The following AGBL4 variants were observed in gnomAD, a reference collection of about 807,000 sequenced individuals.
AGBL4 encodes the protein cytosolic carboxypeptidase 6.
Under a neutral mutation model 66.4 loss-of-function variants are expected in AGBL4, and 58 were observed. That is an observed-to-expected ratio of 0.87 (90% CI 0.71 to 1.09). AGBL4 has a LOEUF of 1.09. Among genes scored for constraint, AGBL4 ranks in the 50% least tolerant of loss-of-function variants. AGBL4 has a pLI of 0.00. For synonymous variants in AGBL4, 234 were observed against 222.9 expected, an observed-to-expected ratio of 1.05 and a Z score of -0.44; for missense variants, 579 against 631.0, an observed-to-expected ratio of 0.92 and a Z score of 0.88.
intron 9 of AGBL4, among the ~76,000 whole-genome samples, chr1:48,625,144 T>TTC (rs1557836691): frequency 1.3e-4 from 17 of 135,192 alleles, no homozygotes; most frequent in Admixed American, 3.0e-4. Context: ...TTCCTTCCTT[T>TTC]CTCTTTCTCT....
At chr1:49,133,816 C>T (rs1021859735) in intron 4 of AGBL4, among the ~76,000 whole-genome samples, 1 of 151,952 alleles carries the variant, frequency 6.6e-6, no homozygotes, top group Non-Finnish European at 1.5e-5. Context: ...AAGAGCAATA[C>T]TTAGAAACAA....
chr1:49,759,967 G>T (rs956723819), intron 2 of AGBL4, among the ~76,000 whole-genome samples: 2 of 152,176 alleles, frequency 1.3e-5, no homozygotes, highest in Non-Finnish European at 2.9e-5. Flanking sequence ...ATAAGACATG[G>T]AAAGTGACTT....
chr1:49,239,943 A>T (rs1236416219), intron 4 of AGBL4, among the ~76,000 whole-genome samples: 1 of 152,052 alleles, frequency 6.6e-6, no homozygotes, highest in Non-Finnish European at 1.5e-5. Flanking sequence ...ATGTAATTTA[A>T]TTTTAAATGT....
At position 49,401,268 on chromosome 1, in the gene AGBL4, G is replaced by T. The variant is rs535408200; in HGVS notation, c.283-155404C>A. On this transcript the variant is annotated intron_variant, in intron 3 of 13. Transcript: ENST00000371839. ...CTTATAAAACTATCAGATCTTGTGA[G>T]AACTCACTCAGTATCATGAGAACAG... Among the ~76,000 whole-genome samples the T allele has an allele frequency of 2.0e-5, 3 of 152,264 alleles. No individual in the cohort carries two copies. In the East Asian group the frequency reaches 5.8e-4, roughly 29 times the overall value.
At chr1:49,535,690 G>T (rs1028498851) in intron 3 of AGBL4, among the ~76,000 whole-genome samples, 16 of 151,678 alleles carry the variant, frequency 1.1e-4, no homozygotes, top group South Asian at 8.4e-4. Flanking sequence ...TTTTCGTTTG[G>T]TTTTTTTTGT....
chr1:48,551,876 A>G (rs1644253605), intron 11 of AGBL4, among the ~76,000 whole-genome samples: 1 of 152,012 alleles, frequency 6.6e-6, no homozygotes, highest in Non-Finnish European at 1.5e-5. Flanking sequence ...AGTGCTGCCC[A>G]TCACCCTAAT....
intron 2 of AGBL4, among the ~76,000 whole-genome samples, chr1:49,794,160 GA>G (rs1161401428): frequency 6.6e-6 from 1 of 151,830 alleles, no homozygotes; most frequent in African/African-American, 2.4e-5. Flanking sequence ...TGCTCCTTCA[GA>G]ACACAGGCAC....
chr1:49,479,252 C>G (rs928950101), intron 3 of AGBL4, among the ~76,000 whole-genome samples: 2 of 151,784 alleles, frequency 1.3e-5, no homozygotes, highest in East Asian at 3.9e-4. Flanking sequence ...GAAAGTTATC[C>G]CATTTACAAT....
chr1:48,622,990 G>C (rs1353131558), intron 9 of AGBL4, among the ~76,000 whole-genome samples: 3 of 152,114 alleles, frequency 2.0e-5, no homozygotes, highest in Admixed American at 2.0e-4. Flanking sequence ...ATTTAAACGC[G>C]GGCCTGAGCC....
chr1:48,539,645 A>G lies in AGBL4; in HGVS notation c.1361T>C (p.Leu454Pro). ...VEKVAIPMPR[L>P]RNKEIEVQRR... ...ACCTCTCTGCTCTGCCACTTACCGC[A>G]GTCTCGGCATGGGAATTGCCACCTT... is the stretch of plus-strand genomic sequence containing the variant. Residue 454 changes from leucine (L) to proline (P), a missense_variant, in exon 12 of 14, where the codon CTG (leucine) becomes CCG (proline). Transcript: ENST00000371839. 1 of 1,537,200 alleles carries G rather than the reference A, an allele frequency of 6.5e-7. No homozygotes were observed. Among genetic ancestry groups the G allele is most frequent in the African/African-American group, 1.4e-5 (1 of 72,372 alleles).
chr1:48,780,112 T>C (rs1237364477), intron 6 of AGBL4, among the ~76,000 whole-genome samples: 2 of 151,986 alleles, frequency 1.3e-5, no homozygotes, highest in Admixed American at 6.6e-5. Context: ...CATGCCATGA[T>C]GGTTTGCTGC....
chr1:48,837,420 C>T (rs893970000), intron 6 of AGBL4, among the ~76,000 whole-genome samples: 6 of 151,810 alleles, frequency 4.0e-5, no homozygotes, highest in Non-Finnish European at 5.9e-5. Context: ...CAGACCCATC[C>T]TTAATCTGGA....
intron 1 of AGBL4, among the ~76,000 whole-genome samples, chr1:49,886,864 C>G (rs897499517): frequency 6.6e-6 from 1 of 152,024 alleles, no homozygotes; most frequent in African/African-American, 2.4e-5. Flanking sequence ...AAAACAGAAC[C>G]CTTAAAAACA....
chr1:49,013,221 A>G (rs1662581270), intron 5 of AGBL4, among the ~76,000 whole-genome samples: 1 of 152,260 alleles, frequency 6.6e-6, no homozygotes, highest in African/African-American at 2.4e-5. Context: ...GTGTTTGTAG[A>G]TGACATATTT....
At chr1:48,629,425 T>C (rs1234946243) in intron 9 of AGBL4, among the ~76,000 whole-genome samples, 1 of 152,100 alleles carries the variant, frequency 6.6e-6, no homozygotes, top group Non-Finnish European at 1.5e-5. Flanking sequence ...AAAATCAGAA[T>C]TGGAAAGAGA....
chr1:49,917,914 C>G lies in AGBL4; in HGVS notation c.35-66396G>C, dbSNP rs573533458. The stretch of plus-strand genomic sequence containing the variant: ...AGACCACAGTGCAATCAAACTAGAA[C>G]TCAGGATTAAGAAACTCACTCAAAA... On this transcript the variant is annotated intron_variant, in intron 1 of 13. Transcript: ENST00000371839. Among the ~76,000 whole-genome samples the G allele has an allele frequency of 3.9e-5, 6 of 152,286 alleles. No individual in the cohort carries two copies. The South Asian group carries it at 1.2e-3, about 32-fold the overall frequency.
At chr1:49,080,167 C>G (rs1156949864) in intron 4 of AGBL4, among the ~76,000 whole-genome samples, 1 of 152,000 alleles carries the variant, frequency 6.6e-6, no homozygotes, top group Non-Finnish European at 1.5e-5. Flanking sequence ...AAAAACACAA[C>G]AAAACAAACA....
chr1:49,524,424 A>G (rs1278489857), intron 3 of AGBL4, among the ~76,000 whole-genome samples: 2 of 152,122 alleles, frequency 1.3e-5, no homozygotes, highest in South Asian at 2.1e-4. Flanking sequence ...TTACTCTGCA[A>G]TGTCCAGCAG....
At chr1:48,672,558 C>T (rs1180074717) in intron 6 of AGBL4, among the ~76,000 whole-genome samples, 1 of 152,200 alleles carries the variant, frequency 6.6e-6, no homozygotes, top group Non-Finnish European at 1.5e-5. Context: ...GCTGTGTTTC[C>T]CCTCCCAGGA....
Sources: gnomAD v4.1 joint callset for allele counts (sites outside exome capture counted in the v4.1 genomes callset) on GRCh38, gnomAD v4.1.1 for gene constraint, MANE v1.5 for transcripts, NCBI Gene and HGNC (gene_info 2026-07-23, HGNC 2026-07-21) for gene names.